The following HECTD4 variants were observed in gnomAD, a reference collection of about 807,000 sequenced individuals.
The protein encoded by HECTD4 is HECT domain E3 ubiquitin protein ligase 4, also known as probable E3 ubiquitin-protein ligase HECTD4.
Under a neutral mutation model 471.5 loss-of-function variants are expected in HECTD4, and 114 were observed. The ratio of observed to expected loss-of-function variants is 0.24; its 90% CI spans 0.21 to 0.28. The LOEUF (loss-of-function observed/expected upper bound fraction) is 0.28. HECTD4 is among the 10% of genes least tolerant of loss of function. The pLI is 1.00. For missense variants in HECTD4, 3,866 were observed against 5,651.5 expected (o/e 0.68, Z 10.13); for synonymous variants, 2,012 against 2,256.0 (o/e 0.89, Z 3.07).
chr12:112,291,066 C>T (rs2034874165), intron 7 of HECTD4, among the ~76,000 whole-genome samples: 1 of 152,078 alleles, frequency 6.6e-6, no homozygotes, highest in African/African-American at 2.4e-5. Context: ...TAATCCCATT[C>T]CTGCCCCCTT....
intron 64 of HECTD4, among the ~76,000 whole-genome samples, chr12:112,177,840 G>A (rs934765428): frequency 3.3e-5 from 5 of 152,188 alleles, no homozygotes; most frequent in Admixed American, 6.5e-5. Context: ...TATAGAAAGG[G>A]TTCTTCCCAA....
chr12:112,275,516 C>T (rs186645716), intron 9 of HECTD4, among the ~76,000 whole-genome samples: 97 of 152,138 alleles, frequency 6.4e-4, no homozygotes, highest in Non-Finnish European at 1.1e-3. Context: ...AGTCATTGAA[C>T]ATTTCAGTTT....
rs2030779365 is a variant in HECTD4 at position 112,163,341 on chromosome 12, G to T, written c.12898-77C>A. On this transcript the variant is annotated intron_variant, in intron 74 of 75. Transcript: ENST00000682272. This position sits in a 1 kb window ranked among gnomAD's most constrained non-coding sequence, Gnocchi z 8.2. The stretch of plus-strand genomic sequence containing the variant: ...TGCCTCCCCAGCCCTGGGGTCTGCA[G>T]GCCAGGCCCAATCCTGGGGCAGGGT... 7.4e-7 allele frequency: 1 copy of T among 1,357,300 alleles called. No individual in the cohort carries two copies. Among genetic ancestry groups the T allele is most frequent in the South Asian group, 1.4e-5 (1 of 72,912 alleles). 84.1% of individuals were successfully genotyped at this position (1,357,300 alleles called of 1,614,324 possible).
At chr12:112,267,176 C>G (rs2034297777) in intron 13 of HECTD4, 194 bp from the exon 14 acceptor site, 1 of 567,124 alleles carries the variant, frequency 1.8e-6, no homozygotes, top group Non-Finnish European at 3.2e-6. Context: ...CTTCCTCCCT[C>G]ACCGCTCCAT....
chr12:112,172,020 C>T (rs1316786204), intron 67 of HECTD4, among the ~76,000 whole-genome samples: 1 of 152,216 alleles, frequency 6.6e-6, no homozygotes, highest in Non-Finnish European at 1.5e-5. Flanking sequence ...TCTCCTGCCT[C>T]AGCCTCCCAA....
intron 52 of HECTD4, 26 bp downstream of exon 52, chr12:112,207,848 C>T: frequency 1.9e-6 from 3 of 1,612,342 alleles, no homozygotes; most frequent in Non-Finnish European, 2.5e-6. Context: ...GAAGTAACCT[C>T]CTTAGCAGAA....
chr12:112,298,714 C>T (rs1264244477), intron 7 of HECTD4, among the ~76,000 whole-genome samples: 1 of 151,662 alleles, frequency 6.6e-6, no homozygotes, highest in African/African-American at 2.4e-5. Context: ...GAAACTCTGT[C>T]TCTACTAAAA....
At chr12:112,370,643 T>C (rs1198323419) in intron 1 of HECTD4, among the ~76,000 whole-genome samples, 1 of 152,120 alleles carries the variant, frequency 6.6e-6, no homozygotes, top group Non-Finnish European at 1.5e-5. Flanking sequence ...TCTTGAAGAA[T>C]ATACACGAAA....
chr12:112,306,010 G>T, intron 7 of HECTD4, 54 bp downstream of exon 7: 1 of 1,536,114 alleles, frequency 6.5e-7, no homozygotes, highest in East Asian at 2.3e-5. Context: ...AATATAAAAA[G>T]AAAGCAAACA....
At chr12:112,207,247 G>A (rs547454247) in intron 52 of HECTD4, among the ~76,000 whole-genome samples, 38 of 152,226 alleles carry the variant, frequency 2.5e-4, no homozygotes, top group African/African-American at 9.1e-4. Context: ...GGGTTCAAGC[G>A]ATTCTCCTGT....
chr12:112,371,048 T>C (rs1329682704), intron 1 of HECTD4, among the ~76,000 whole-genome samples: 1 of 152,128 alleles, frequency 6.6e-6, no homozygotes, highest in Non-Finnish European at 1.5e-5. Context: ...AGTACTTTCA[T>C]AATTAACACC....
chr12:112,170,190 A>G (rs1369180367), intron 69 of HECTD4, 143 bp downstream of exon 69: 1 of 1,157,420 alleles, frequency 8.6e-7, no homozygotes, highest in Non-Finnish European at 1.2e-6. Context: ...TCCAGCAGGA[A>G]GCCACACACC....
chr12:112,193,044 G>A lies in HECTD4; in HGVS notation c.9086+17C>T, dbSNP rs780625109. On this transcript the variant is annotated intron_variant, in intron 58 of 75. Transcript: ENST00000682272. The surrounding 1 kb of genome is among the most constrained non-coding windows in gnomAD (Gnocchi z 5.2). ...TTCCTCTCCCCATCACCATCTTCTTGAGAACAGGCAACTTACTCTTTGCGG... is the reference window on the plus strand; with the variant it reads ...TTCCTCTCCCCATCACCATCTTCTTAAGAACAGGCAACTTACTCTTTGCGG... The A allele has an allele frequency of 1.2e-5, 20 of 1,613,612 alleles. No individual in the cohort carries two copies. In the East Asian group the frequency reaches 4.0e-4, roughly 32 times the overall value.
Position 112,170,402 on chromosome 12 carries a change from C to T in HECTD4, c.11983G>A (p.Ala3995Thr). The T allele has an allele frequency of 2.5e-6, 4 of 1,613,984 alleles. No homozygotes were observed. Among genetic ancestry groups the T allele is most frequent in the Non-Finnish European group, 1.7e-6 (2 of 1,179,892 alleles). The change falls in exon 69 of 76, where the codon GCC becomes ACC. Residue 3995 changes from alanine (A) to threonine (T), a missense_variant. Ala to Thr is a moderately conservative substitution (Grantham distance 58). This residue lies in a region of HECTD4 where 715 missense variants were observed against 1,087.6 expected (regional missense o/e 0.66). Coordinates refer to ENST00000682272, the MANE Select transcript of HECTD4 (RefSeq NM_001388303.1). Reference protein sequence around the residue: ...KVTVMNRVLNATVQRTADHAA... With the variant: ...KVTVMNRVLNTTVQRTADHAA... ...TGGTCCGCTGTCCTCTGCACAGTGG[C>T]ATTCAGCACTCGATTCATCACGGTC...
chr12:112,217,127 G>C lies in HECTD4; in HGVS notation c.7143C>G (p.His2381Gln). The C allele has an allele frequency of 6.3e-7, 1 of 1,591,874 alleles. No homozygotes were observed. The highest frequency in any genetic ancestry group is 1.1e-5 in the South Asian group (1 of 87,716). Residue 2381 changes from histidine to glutamine, a missense_variant, in exon 46 of 76, where the codon CAC becomes CAG. Transcript: ENST00000682272. ...CAGCCAGGAAGGTGACTGAGGTAAG[G>C]TGAGATGAGAACATGCAGGCTCGAA... is the stretch of plus-strand genomic sequence containing the variant. The part of the protein sequence containing the change: ...PPVRACMFSS[H>Q]LTSVTFLADP...
intron 47 of HECTD4, 118 bp downstream of exon 47, chr12:112,216,655 G>T: frequency 1.7e-6 from 2 of 1,164,786 alleles, no homozygotes; most frequent in South Asian, 1.5e-5. Context: ...GAAAAATAAT[G>T]CTCTCCTTTC....
chr12:112,259,301 A>G, intron 18 of HECTD4, 36 bp from the exon 19 acceptor site: 1 of 1,608,906 alleles, frequency 6.2e-7, no homozygotes, highest in Non-Finnish European at 8.5e-7. Context: ...CAGCCTAAGC[A>G]ATGCCCAAAC....
intron 1 of HECTD4, among the ~76,000 whole-genome samples, chr12:112,365,240 A>T (rs2036535019): frequency 6.6e-6 from 1 of 152,188 alleles, no homozygotes; most frequent in South Asian, 2.1e-4. Context: ...TCATCATTTC[A>T]ACATTTAATC....
intron 59 of HECTD4, 50 bp from the exon 60 acceptor site, chr12:112,191,015 AAAT>A: frequency 6.8e-7 from 1 of 1,468,324 alleles, no homozygotes; most frequent in Non-Finnish European, 9.2e-7. Context: ...CACCTGACCC[AAAT>A]AAGCCTCACA....
Sources: allele counts gnomAD v4.1 joint callset (sites outside exome capture counted in the v4.1 genomes callset), GRCh38; gene constraint gnomAD v4.1.1; regional missense constraint gnomAD v4.1.1; non-coding constraint Gnocchi (gnomAD v3.1); transcripts MANE v1.5; gene names NCBI Gene and HGNC (gene_info 2026-07-23, HGNC 2026-07-21).